The following PBRM1 variants were observed in gnomAD, a reference collection of about 807,000 sequenced individuals.
PBRM1 encodes polybromo 1.
PBRM1 carries 27 observed loss-of-function variants against 194.5 expected under a neutral mutation model. That is an observed-to-expected ratio of 0.14 (90% CI 0.10 to 0.19). The LOEUF (loss-of-function observed/expected upper bound fraction) is 0.19. Ranked by LOEUF, PBRM1 falls within the 10% of genes least tolerant of loss-of-function variation. The pLI is 1.00. For synonymous variants in PBRM1, 655 were observed against 693.2 expected (o/e 0.94, Z 0.87); for missense variants, 1,466 against 2,077.2 (o/e 0.71, Z 5.72).
At position 52,648,206 on chromosome 3, in the gene PBRM1, C is replaced by T. The variant is rs1376028408; in HGVS notation, c.813+138G>A. On this transcript the variant is annotated intron_variant, in intron 7 of 29. Transcript: ENST00000296302. ...ACAGGCGTGAGCCACTGCGCCCAGCCTAAATTAAACACTTTTAATGGGTAA... is the reference window on the plus strand; with the variant it reads ...ACAGGCGTGAGCCACTGCGCCCAGCTTAAATTAAACACTTTTAATGGGTAA... The T allele has an allele frequency of 4.1e-5, 23 of 565,464 alleles. No homozygotes were observed. In the East Asian group the frequency reaches 6.5e-4, roughly 16 times the overall value. 35.0% of individuals were successfully genotyped at this position (565,464 alleles called of 1,614,324 possible).
intron 27 of PBRM1, among the ~76,000 whole-genome samples, chr3:52,552,961 G>A (rs2153410655): frequency 6.6e-6 from 1 of 152,308 alleles, no homozygotes; most frequent in Non-Finnish European, 1.5e-5. Flanking sequence ...ATGCTTCTGT[G>A]GAATTATGGC....
At chr3:52,631,219 C>T (rs1414690772) in intron 11 of PBRM1, among the ~76,000 whole-genome samples, 2 of 152,012 alleles carry the variant, frequency 1.3e-5, no homozygotes, top group African/African-American at 4.8e-5. Context: ...GCCTGTAATC[C>T]CAGCACTTTG....
At chr3:52,612,954 T>C (rs1271657638) in intron 15 of PBRM1, among the ~76,000 whole-genome samples, 1 of 150,744 alleles carries the variant, frequency 6.6e-6, no homozygotes, top group Non-Finnish European at 1.5e-5. Context: ...TATATAGAAC[T>C]TAATGAGAGT....
downstream of PBRM1, chr3:52,546,354 T>A (rs2079675530): frequency 1.3e-5 from 3 of 230,946 alleles, no homozygotes; most frequent in Non-Finnish European, 2.6e-5. Context: ...ACTTTAACAA[T>A]AAGGTACTGA....
chr3:52,620,004 C>CT (rs2095196614), intron 13 of PBRM1, among the ~76,000 whole-genome samples: 1 of 152,024 alleles, frequency 6.6e-6, no homozygotes, highest in Admixed American at 6.6e-5. Flanking sequence ...CCCCTCAGCA[C>CT]TTTTTTTTCT....
At chr3:52,649,935 G>C (rs1490506572) in intron 6 of PBRM1, among the ~76,000 whole-genome samples, 1 of 152,150 alleles carries the variant, frequency 6.6e-6, no homozygotes, top group Non-Finnish European at 1.5e-5. Context: ...GACTGGGGCT[G>C]AGATAGAGAT....
rs2153425896 is a variant in PBRM1, at chr3:52,609,839, T to A, written c.2041A>T (p.Ser681Cys). 3 of 1,613,628 alleles carry A rather than the reference T, an allele frequency of 1.9e-6. No individual in the cohort carries two copies. Among genetic ancestry groups the A allele is most frequent in the Non-Finnish European group, 2.5e-6 (3 of 1,179,808 alleles). ...GAGGGAAGCCTCAGAAATATGGCAC[T>A]GAGGCGGCGACCCCTCTTATCAGTA... Residue 681 changes from serine to cysteine, a missense_variant, in exon 16 of 30, where the codon AGT (serine) becomes TGT (cysteine). By Grantham distance (112) the Ser-to-Cys change is moderately radical (BLOSUM62 -1). Coordinates refer to ENST00000296302, the Ensembl canonical transcript of PBRM1. The surrounding 1 kb of genome is among the most constrained non-coding windows in gnomAD (Gnocchi z 4.1).
chr3:52,584,185 T>C (rs1244211295), intron 20 of PBRM1, among the ~76,000 whole-genome samples: 1 of 152,122 alleles, frequency 6.6e-6, no homozygotes. Context: ...CTTCAGTAAA[T>C]TTTTTTCCTA....
chr3:52,564,003 T>G, intron 23 of PBRM1, 47 bp downstream of exon 25: 1 of 1,242,904 alleles, frequency 8.0e-7, no homozygotes. Flanking sequence ...TATGTTGCTA[T>G]CAGTTAATGG....
chr3:52,626,680 A>G (rs2095459108), intron 13 of PBRM1, among the ~76,000 whole-genome samples: 2 of 152,192 alleles, frequency 1.3e-5, no homozygotes, highest in African/African-American at 4.8e-5. Flanking sequence ...ATCCCCTTCC[A>G]CAAAACCCGT....
intron 11 of PBRM1, 87 bp downstream of exon 12, chr3:52,634,515 C>G: frequency 1.2e-6 from 1 of 854,116 alleles, no homozygotes; most frequent in Non-Finnish European, 1.9e-6. Context: ...CTTTAATATC[C>G]TTATCCATTT....
chr3:52,573,789 AG>A (rs1459200472), intron 22 of PBRM1, among the ~76,000 whole-genome samples: 1 of 152,226 alleles, frequency 6.6e-6, no homozygotes, highest in Non-Finnish European at 1.5e-5. Context: ...TAAGAAAAAA[AG>A]TGACTGAAAC....
At chr3:52,667,797 T>C (rs2096869965) in intron 3 of PBRM1, among the ~76,000 whole-genome samples, 1 of 146,044 alleles carries the variant, frequency 6.8e-6, no homozygotes, top group Non-Finnish European at 1.5e-5. Context: ...TGGTGGCTCA[T>C]GTCTGTAGTC....
upstream of PBRM1, among the ~76,000 whole-genome samples, chr3:52,680,408 T>A (rs534539880): frequency 6.6e-6 from 1 of 152,356 alleles, no homozygotes; most frequent in African/African-American, 2.4e-5. Context: ...AGGTACAAAC[T>A]ATCCTTTGAA....
exon 25 of PBRM1, chr3:52,561,823 C>T (rs2153489837): frequency 6.2e-7 from 1 of 1,614,168 alleles, no homozygotes; most frequent in Non-Finnish European, 8.5e-7. Context: ...CCCCACCAGG[C>T]GGCTGAGCTC....
At chr3:52,633,429 G>C (rs887085736) in intron 11 of PBRM1, among the ~76,000 whole-genome samples, 1 of 151,928 alleles carries the variant, frequency 6.6e-6, no homozygotes, top group Non-Finnish European at 1.5e-5. Context: ...ATGCATACTT[G>C]AGCTTCCATG....
chr3:52,571,358 T>C (rs11717661), intron 22 of PBRM1, among the ~76,000 whole-genome samples: 1 of 145,910 alleles, frequency 6.9e-6, no homozygotes. Flanking sequence ...CCAGGCGTGG[T>C]GGCTCACGTC....
At chr3:52,614,586 T>TC (rs1465482826) in intron 15 of PBRM1, among the ~76,000 whole-genome samples, 10 of 150,182 alleles carry the variant, frequency 6.7e-5, no homozygotes, top group Non-Finnish European at 1.2e-4. Context: ...TTTTTTTTTT[T>TC]CCGAGGCAGA....
At position 52,679,675 on chromosome 3, in the gene PBRM1, TG is replaced by T; in HGVS notation, c.36del (p.Ser13AlafsTer32). 6.2e-7 allele frequency: 1 copy of T among 1,613,940 alleles called. No individual in the cohort carries two copies. The highest frequency in any genetic ancestry group is 8.5e-7 in the Non-Finnish European group (1 of 1,179,832). ...TCATCAAAGTCCCCGCTGACACTGC[TG>T]GAAGGGGAGGTAGCTCTTCTTCTCT... is the stretch of plus-strand genomic sequence containing the variant. On this transcript the variant is annotated frameshift_variant, in exon 1 of 30. Transcript: ENST00000296302. LOFTEE classifies it high-confidence loss of function.
Sources: gnomAD v4.1 joint callset for allele counts (sites outside exome capture counted in the v4.1 genomes callset) on GRCh38, gnomAD v4.1.1 for gene constraint, Gnocchi (gnomAD v3.1) non-coding constraint, MANE v1.5 for transcripts, NCBI Gene and HGNC (gene_info 2026-07-23, HGNC 2026-07-21) for gene names.